Variants in ROBO1 observed in about 807,000 individuals in gnomAD.
The protein encoded by ROBO1 is roundabout homolog 1.
A neutral mutation model predicts 195.9 loss-of-function variants in ROBO1; 149 were observed. That is an observed-to-expected ratio of 0.76 (90% confidence interval 0.67 to 0.87). The LOEUF is 0.87. ROBO1 is among the 40% of genes least tolerant of loss of function. ROBO1 has a pLI of 0.00. For synonymous variants in ROBO1, 816 were observed against 733.2 expected (o/e 1.11, Z -1.82); for missense variants, 1,933 against 2,068.3 (o/e 0.93, Z 1.27).
At chr3:79,760,948 CAT>C (rs1411878258) in intron 1 of ROBO1, among the ~76,000 whole-genome samples, 2 of 151,152 alleles carry the variant, frequency 1.3e-5, no homozygotes, top group Non-Finnish European at 3.0e-5. Context: ...CACAGTGAGA[CAT>C]GTGCCAAAAA....
At chr3:78,629,231 G>A (rs575094282) in intron 25 of ROBO1, among the ~76,000 whole-genome samples, 5 of 152,174 alleles carry the variant, frequency 3.3e-5, no homozygotes, top group Middle Eastern at 3.4e-3. Flanking sequence ...AGCCAATCAC[G>A]AAACCTTCAT....
chr3:78,907,625 A>G (rs1429220804), intron 4 of ROBO1, among the ~76,000 whole-genome samples: 1 of 152,082 alleles, frequency 6.6e-6, no homozygotes, highest in African/African-American at 2.4e-5. Flanking sequence ...CATGAAAAAG[A>G]AATATTACAC....
rs185756628 is a variant in ROBO1 at position 79,584,292 on chromosome 3, A to G, written c.88+5532T>C. 4.5e-3 allele frequency among the ~76,000 whole-genome samples: 663 copies of G among 148,974 alleles called. 4 individuals carry two copies. The highest frequency in any genetic ancestry group is 0.014 in the Middle Eastern group (4 of 278). On this transcript the variant is annotated intron_variant, in intron 2 of 30. Coordinates refer to ENST00000464233, the MANE Select transcript of ROBO1 (RefSeq NM_002941.4). ...TATATATATATATTACTACATATAT[A>G]TATATGCTGTTACCTGGACAGATCC... is the stretch of plus-strand genomic sequence containing the variant.
intron 3 of ROBO1, among the ~76,000 whole-genome samples, chr3:78,969,427 T>C (rs1427368471): frequency 2.0e-5 from 3 of 152,232 alleles, no homozygotes; most frequent in Non-Finnish European, 2.9e-5. Context: ...ATTAGTTACA[T>C]TGCTAATCAC....
intron 1 of ROBO1, among the ~76,000 whole-genome samples, chr3:79,723,471 T>C (rs1702785582): frequency 6.6e-6 from 1 of 152,192 alleles, no homozygotes; most frequent in Non-Finnish European, 1.5e-5. Flanking sequence ...CACTTCATAA[T>C]ACTCCCAAAA....
intron 4 of ROBO1, among the ~76,000 whole-genome samples, chr3:78,903,980 T>C (rs546312906): frequency 6.6e-6 from 1 of 152,190 alleles, no homozygotes; most frequent in South Asian, 2.1e-4. Context: ...AAAATTTTCT[T>C]ATCTCAGAAC....
rs1176373136 is a variant in ROBO1 at position 78,938,774 on chromosome 3, T to A, written c.326A>T (p.Glu109Val). Residue 109 changes from glutamate (E) to valine (V), a missense_variant, in exon 4 of 31, where the codon GAG becomes GTG. By Grantham distance (121) the Glu-to-Val change is moderately radical. Around this residue, in one of 3 missense-constraint regions of ROBO1, gnomAD observed 185 missense variants for 159.5 expected, o/e 1.16. Transcript: ENST00000464233. ...TGAGCGAGGGTCATCTTTGTCTGTC[T>A]CCACTCTCTCTCCCCCTTTGTACCA... The part of the protein sequence containing the change: ...IEWYKGGERV[E>V]TDKDDPRSHR... 6.2e-7 allele frequency: 1 copy of A among 1,613,868 alleles called. No homozygotes were observed. The highest frequency in any genetic ancestry group is 8.5e-7 in the Non-Finnish European group (1 of 1,179,900).
In ROBO1 at chr3:78,617,819, G is replaced by A. The variant is rs757615181; in HGVS notation, c.4098C>T (p.Val1366=). The A allele has an allele frequency of 2.0e-5, 33 of 1,613,816 alleles. No individual in the cohort carries two copies. Among genetic ancestry groups the A allele is most frequent in the Non-Finnish European group, 2.5e-5 (30 of 1,179,884 alleles). Residue 1366 remains valine, a synonymous_variant, in exon 27 of 31, where the codon GTC becomes GTT. Transcript: ENST00000464233. ...ASSVGDLESS[V]TGSMINGWGS... is the part of the protein sequence containing the mutation. ...CCCAGCCGTTGATCATGGACCCCGTGACAGAGCTCTCCAGGTCCCCAACAC... is the reference window on the plus strand; with the variant it reads ...CCCAGCCGTTGATCATGGACCCCGTAACAGAGCTCTCCAGGTCCCCAACAC...
At chr3:79,656,406 C>T (rs1946164934) in intron 1 of ROBO1, among the ~76,000 whole-genome samples, 2 of 151,872 alleles carry the variant, frequency 1.3e-5, no homozygotes, top group Admixed American at 6.6e-5. Context: ...GGAGGGCGAA[C>T]CATTCTTTCT....
At chr3:79,119,741 G>A (rs1320120129) in intron 3 of ROBO1, among the ~76,000 whole-genome samples, 2 of 151,706 alleles carry the variant, frequency 1.3e-5, no homozygotes, top group Non-Finnish European at 2.9e-5. Context: ...GGGGCCACCA[G>A]ATTGATCCAC....
rs565307907 is a variant in ROBO1 at position 78,617,559 on chromosome 3, C to T, written c.4282+76G>A. On this transcript the variant is annotated intron_variant, in intron 27 of 30. Transcript: ENST00000464233. ...ATGCTTTTCAAATAGGACGTAAGAT[C>T]ATAGGACAGAATCAGCAACAAACAT... 25 of 1,420,594 alleles carry T rather than the reference C, an allele frequency of 1.8e-5. No individual in the cohort carries two copies. The East Asian group carries it at 5.6e-4, about 32-fold the overall frequency. 88.0% of individuals were successfully genotyped at this position (1,420,594 alleles called of 1,614,324 possible).
At chr3:79,346,574 T>C (rs1216660005) in intron 2 of ROBO1, among the ~76,000 whole-genome samples, 1 of 152,118 alleles carries the variant, frequency 6.6e-6, no homozygotes, top group Non-Finnish European at 1.5e-5. Flanking sequence ...GAAAACAGCA[T>C]TTAAGTGAAT....
intron 2 of ROBO1, among the ~76,000 whole-genome samples, chr3:79,587,411 C>CT (rs1943862511): frequency 6.6e-6 from 1 of 151,764 alleles, no homozygotes; most frequent in South Asian, 2.1e-4. Flanking sequence ...CCTGAGAAGT[C>CT]TTGTTCCTGT....
intron 4 of ROBO1, among the ~76,000 whole-genome samples, chr3:78,830,402 C>T (rs1390794879): frequency 6.6e-6 from 1 of 152,146 alleles, no homozygotes; most frequent in Non-Finnish European, 1.5e-5. Flanking sequence ...TGTTCTCACG[C>T]TGCTAATAGG....
intron 1 of ROBO1, among the ~76,000 whole-genome samples, chr3:79,594,239 T>C (rs1944093635): frequency 6.6e-6 from 1 of 152,054 alleles, no homozygotes; most frequent in Non-Finnish European, 1.5e-5. Context: ...TAATTGATTT[T>C]AGTGAAGAAT....
chr3:79,619,644 G>A (rs1021413990), intron 1 of ROBO1, among the ~76,000 whole-genome samples: 1 of 152,128 alleles, frequency 6.6e-6, no homozygotes, highest in African/African-American at 2.4e-5. Context: ...GGCATAGTCA[G>A]GGTACATGTG....
intron 2 of ROBO1, among the ~76,000 whole-genome samples, chr3:79,568,372 T>G (rs997292161): frequency 1.3e-5 from 2 of 151,860 alleles, no homozygotes; most frequent in African/African-American, 4.8e-5. Context: ...CATATTCGAA[T>G]CTTCAAACAA....
At chr3:79,719,512 G>T (rs13060873) in intron 1 of ROBO1, among the ~76,000 whole-genome samples, 1 of 151,924 alleles carries the variant, frequency 6.6e-6, no homozygotes, top group East Asian at 1.9e-4. Context: ...TAAATAGAAC[G>T]TCTTCTTATA....
intron 2 of ROBO1, among the ~76,000 whole-genome samples, chr3:79,172,239 T>A (rs536764858): frequency 6.6e-6 from 1 of 152,318 alleles, no homozygotes; most frequent in African/African-American, 2.4e-5. Flanking sequence ...AGAAACTATT[T>A]TTGATTCTAA....
Sources: allele counts gnomAD v4.1 joint callset (sites outside exome capture counted in the v4.1 genomes callset), GRCh38; gene constraint gnomAD v4.1.1; regional missense constraint gnomAD v4.1.1; transcripts MANE v1.5; gene names NCBI Gene and HGNC (gene_info 2026-07-23, HGNC 2026-07-21).